CYP20A1: variants seen among roughly 807,000 people sequenced by gnomAD.
CYP20A1 encodes the protein cytochrome P450 family 20 subfamily A member 1.
In CYP20A1, 61 loss-of-function variants were observed where a neutral mutation model predicts 61.4. That is an observed-to-expected ratio of 0.99 (90% CI 0.81 to 1.23). The LOEUF is 1.23. Among genes scored for constraint, CYP20A1 ranks in the 50% most tolerant of loss-of-function variants. The probability of loss-of-function intolerance (pLI) is 0.00; values close to 1 mark genes in which losing one functional copy is unlikely to be tolerated. For missense variants in CYP20A1, 530 were observed against 542.4 expected (o/e 0.98, Z 0.23); for synonymous variants, 193 against 188.2 (o/e 1.03, Z -0.21).
chr2:203,284,698 A>C (rs2068191888), intron 8 of CYP20A1, among the ~76,000 whole-genome samples: 1 of 149,698 alleles, frequency 6.7e-6, no homozygotes, highest in Non-Finnish European at 1.5e-5. Flanking sequence ...GTGAGGTTAT[A>C]GCATCAGCCA....
At position 203,299,156 on chromosome 2, in the gene CYP20A1, G is replaced by T. The variant is rs1173470740; in HGVS notation, c.*2248G>T. Reference sequence around the variant, plus strand: ...TCCAACTTTTTTGGCTACACTATTTGTGAAGGATTCCTTTTTTTCTTTAAG... The same window carrying T: ...TCCAACTTTTTTGGCTACACTATTTTTGAAGGATTCCTTTTTTTCTTTAAG... On this transcript the variant is annotated 3_prime_UTR_variant, in exon 13 of 13. Transcript: ENST00000356079. 6.6e-6 allele frequency among the ~76,000 whole-genome samples: 1 copy of T among 152,124 alleles called. No individual in the cohort carries two copies. Among genetic ancestry groups the T allele is most frequent in the African/African-American group, 2.4e-5 (1 of 41,422 alleles).
chr2:203,257,978 T>A (rs2066972438), intron 4 of CYP20A1, among the ~76,000 whole-genome samples: 2 of 152,358 alleles, frequency 1.3e-5, no homozygotes, highest in Non-Finnish European at 1.5e-5. Flanking sequence ...TATAGCTCAC[T>A]GGAGCATCGA....
intron 9 of CYP20A1, among the ~76,000 whole-genome samples, chr2:203,288,813 C>T (rs571296086): frequency 9.2e-5 from 14 of 152,304 alleles, no homozygotes; most frequent in Non-Finnish European, 1.6e-4. Context: ...TGACACACAA[C>T]TTACCTGCTG....
intron 10 of CYP20A1, among the ~76,000 whole-genome samples, chr2:203,291,609 C>A (rs1179300950): frequency 6.6e-6 from 1 of 151,860 alleles, no homozygotes; most frequent in Admixed American, 6.6e-5. Flanking sequence ...TATACAAATT[C>A]TGTCAATTAT....
chr2:203,283,211 A>ATTTTTT (rs371972851), intron 8 of CYP20A1, among the ~76,000 whole-genome samples: 4 of 83,506 alleles, frequency 4.8e-5, no homozygotes, highest in Admixed American at 2.0e-4. Flanking sequence ...CAATGTGAGA[A>ATTTTTT]TTTTTTTTTT....
At chr2:203,256,060 C>T (rs891003944) in intron 4 of CYP20A1, among the ~76,000 whole-genome samples, 3 of 152,110 alleles carry the variant, frequency 2.0e-5, no homozygotes, top group Admixed American at 1.3e-4. Context: ...AATTCCTGGG[C>T]CCACGGGATC....
intron 5 of CYP20A1, among the ~76,000 whole-genome samples, chr2:203,267,222 C>T (rs984061005): frequency 6.6e-6 from 1 of 151,990 alleles, no homozygotes; most frequent in African/African-American, 2.4e-5. Flanking sequence ...TTTAATAATG[C>T]AGGTTGTTGC....
At chr2:203,246,241 A>G (rs1478514117) in intron 2 of CYP20A1, among the ~76,000 whole-genome samples, 1 of 152,236 alleles carries the variant, frequency 6.6e-6, no homozygotes, top group Non-Finnish European at 1.5e-5. Flanking sequence ...ATCTTATTCA[A>G]TTCAATTCCT....
At position 203,296,766 on chromosome 2, in the gene CYP20A1, A is replaced by G. The variant is rs1486309631; in HGVS notation, c.1247A>G (p.Tyr416Cys). 1.3e-6 allele frequency: 2 copies of G among 1,588,746 alleles called. No homozygotes were observed. The highest frequency in any genetic ancestry group is 8.5e-7 in the Non-Finnish European group (1 of 1,173,394). Residue 416 changes from tyrosine to cysteine, a missense_variant, in exon 13 of 13, where the codon TAT (tyrosine) becomes TGT (cysteine). By Grantham distance (194) the Tyr-to-Cys change is radical (BLOSUM62 -2). Transcript: ENST00000356079. The stretch of plus-strand genomic sequence containing the variant: ...ACTTTCTTCCTGACTAGGTTTGCAT[A>G]TATGGTGACCACAGTACTTCTTAGT... ...TQECPELRFA[Y>C]MVTTVLLSVL... is the part of the protein sequence containing the mutation.
chr2:203,290,072 C>T (rs1292045799), intron 10 of CYP20A1, among the ~76,000 whole-genome samples, 196 bp downstream of exon 10: 5 of 152,008 alleles, frequency 3.3e-5, no homozygotes, highest in Admixed American at 1.3e-4. Flanking sequence ...TCCCGAGTAG[C>T]GGGGATTACA....
intron 1 of CYP20A1, among the ~76,000 whole-genome samples, chr2:203,239,817 TGACTGAG>T (rs1361370462): frequency 1.3e-5 from 2 of 152,132 alleles, no homozygotes; most frequent in African/African-American, 4.8e-5. Context: ...AAAGTGTTGA[TGACTGAG>T]GACCGTCTTT....
chr2:203,286,791 G>T (rs1278103309), intron 9 of CYP20A1, among the ~76,000 whole-genome samples: 2 of 151,992 alleles, frequency 1.3e-5, no homozygotes, highest in East Asian at 3.9e-4. Flanking sequence ...CAGGTAAAAT[G>T]GGTTAATTTT....
intron 5 of CYP20A1, among the ~76,000 whole-genome samples, chr2:203,268,306 C>T (rs2067417369): frequency 6.6e-6 from 1 of 152,182 alleles, no homozygotes; most frequent in South Asian, 2.1e-4. Flanking sequence ...GTCTCCTCCC[C>T]TCCAATTCCA....
At chr2:203,279,296 G>A (rs555164196) in intron 7 of CYP20A1, among the ~76,000 whole-genome samples, 21 of 152,224 alleles carry the variant, frequency 1.4e-4, no homozygotes, top group African/African-American at 5.1e-4. Flanking sequence ...TACATCATTG[G>A]TAGTACAAGT....
At chr2:203,241,161 GGATA>G (rs1188613461) in intron 1 of CYP20A1, among the ~76,000 whole-genome samples, 1 of 152,192 alleles carries the variant, frequency 6.6e-6, no homozygotes, top group Non-Finnish European at 1.5e-5. Context: ...GTATCTGGAA[GGATA>G]GATTAATTCC....
chr2:203,245,023 C>T (rs1461372535), intron 1 of CYP20A1, among the ~76,000 whole-genome samples: 3 of 150,030 alleles, frequency 2.0e-5, no homozygotes, highest in Non-Finnish European at 3.0e-5. Flanking sequence ...TGAGCCACCA[C>T]GCCCAGCCTT....
chr2:203,256,772 T>C (rs756421672), intron 4 of CYP20A1, among the ~76,000 whole-genome samples: 2 of 152,336 alleles, frequency 1.3e-5, no homozygotes, highest in African/African-American at 2.4e-5. Context: ...GCTCTTGTTA[T>C]AGAGCAGGCC....
chr2:203,255,109 C>T (rs895915855), intron 4 of CYP20A1, among the ~76,000 whole-genome samples: 1 of 152,132 alleles, frequency 6.6e-6, no homozygotes, highest in African/African-American at 2.4e-5. Context: ...GCATTGCCAT[C>T]ACCCTGGTTT....
At chr2:203,292,078 A>G (rs1332710342) in intron 10 of CYP20A1, among the ~76,000 whole-genome samples, 184 bp from the exon 11 acceptor site, 3 of 152,160 alleles carry the variant, frequency 2.0e-5, no homozygotes, top group Admixed American at 2.0e-4. Flanking sequence ...ATTTTGTGAC[A>G]TGCTTAGGGA....
Sources: allele counts gnomAD v4.1 joint callset (sites outside exome capture counted in the v4.1 genomes callset), GRCh38; gene constraint gnomAD v4.1.1; transcripts MANE v1.5; gene names NCBI Gene and HGNC (gene_info 2026-07-23, HGNC 2026-07-21).